The following COL4A4 variants were observed in gnomAD, a reference collection of about 807,000 sequenced individuals.
COL4A4 encodes the protein collagen alpha-4(IV) chain.
Under a neutral mutation model 192.9 loss-of-function variants are expected in COL4A4, and 105 were observed. The observed-to-expected ratio is 0.54, with a 90% CI of 0.46 to 0.64. The LOEUF (loss-of-function observed/expected upper bound fraction) is 0.64. Among genes scored for constraint, COL4A4 ranks in the 30% least tolerant of loss-of-function variants. The pLI is 0.00. For missense variants in COL4A4, 1,967 were observed against 2,169.3 expected, an observed-to-expected ratio of 0.91 and a Z score of 1.85; for synonymous variants, 762 against 769.9, an observed-to-expected ratio of 0.99 and a Z score of 0.17.
intron 4 of COL4A4, among the ~76,000 whole-genome samples, chr2:227,130,862 G>A (rs560862132): frequency 6.6e-5 from 10 of 152,060 alleles, no homozygotes; most frequent in African/African-American, 1.9e-4. Context: ...CCCCAACTGC[G>A]CCAGGTGAGT....
At chr2:227,018,268 C>T (rs187177892) in intron 44 of COL4A4, among the ~76,000 whole-genome samples, 1 of 152,262 alleles carries the variant, frequency 6.6e-6, no homozygotes, top group East Asian at 1.9e-4. Context: ...TTTCGCTCTT[C>T]TTGCCCAGGC....
chr2:227,082,119 A>C lies in COL4A4; in HGVS notation c.1692T>G (p.Val564=), dbSNP rs766819581. 1.2e-6 allele frequency: 2 copies of C among 1,613,942 alleles called. No homozygotes were observed. The highest frequency in any genetic ancestry group is 2.7e-5 in the African/African-American group (2 of 74,930). Residue 564 remains valine, a synonymous_variant, in exon 23 of 48, where the codon GTT becomes GTG. Coordinates refer to ENST00000396625, the MANE Select transcript of COL4A4 (RefSeq NM_000092.5). ...GAKGDMVVSR[V]KGHKGERGPD... ...TAAGTGATTGATTATGCTCACCTTT[A>C]ACTCTTGATACAACCATGTCACCCT...
chr2:227,115,848 G>C (rs1426594877), intron 7 of COL4A4, among the ~76,000 whole-genome samples: 1 of 152,150 alleles, frequency 6.6e-6, no homozygotes, highest in Admixed American at 6.5e-5. Flanking sequence ...AATAACACCA[G>C]TTCTCCAACA....
intron 22 of COL4A4, among the ~76,000 whole-genome samples, chr2:227,085,882 C>G (rs1393291178): frequency 6.6e-6 from 1 of 152,198 alleles, no homozygotes; most frequent in Admixed American, 6.5e-5. Context: ...AGTTTGCGAC[C>G]TTTGGTTCGC....
chr2:226,980,329 T>C, the COL4A4 span, among the ~76,000 whole-genome samples: 3 of 152,140 alleles, frequency 2.0e-5, no homozygotes, highest in Non-Finnish European at 4.4e-5. Flanking sequence ...CAGAGCGAGG[T>C]AGCAGAAGGG....
At chr2:227,157,256 A>G (rs2064425041) in intron 1 of COL4A4, among the ~76,000 whole-genome samples, 1 of 152,166 alleles carries the variant, frequency 6.6e-6, no homozygotes, top group South Asian at 2.1e-4. Context: ...CTGAATGATA[A>G]TAAAAACACA....
the COL4A4 span, chr2:226,995,955 G>T: frequency 6.1e-6 from 1 of 163,184 alleles, no homozygotes; most frequent in East Asian, 1.8e-4. Context: ...TCCTCCTGGC[G>T]CATTGCCACT....
rs535615953 is a variant in COL4A4, at chr2:227,014,736, A to G, written c.4217-2439T>C. Among the ~76,000 whole-genome samples, 3 of 151,996 alleles carry G rather than the reference A, an allele frequency of 2.0e-5. No homozygotes were observed. The South Asian group carries it at 6.3e-4, about 32-fold the overall frequency. On this transcript the variant is annotated intron_variant, in intron 44 of 47. Transcript: ENST00000396625. ...GTGTTTTGTTTGTTTTTCCAGATGG[A>G]GTCTCGCTGTATCACCCTGGCTGGA...
intron 39 of COL4A4, 33 bp from the exon 40 acceptor site, chr2:227,032,088 T>C (rs1363691563): frequency 6.2e-7 from 1 of 1,614,008 alleles, no homozygotes; most frequent in Admixed American, 1.7e-5. Context: ...GTTATCCTCA[T>C]TGCATTTGGA....
intron 25 of COL4A4, among the ~76,000 whole-genome samples, chr2:227,074,611 T>C (rs1046924635): frequency 1.3e-5 from 2 of 152,188 alleles, no homozygotes; most frequent in Non-Finnish European, 2.9e-5. Flanking sequence ...TGTATGTTTA[T>C]AGCAGCACAA....
chr2:226,982,784 A>T, the COL4A4 span, among the ~76,000 whole-genome samples: 1 of 152,180 alleles, frequency 6.6e-6, no homozygotes, highest in Non-Finnish European at 1.5e-5. Flanking sequence ...AGCATTTATG[A>T]TGCACCCACT....
At chr2:226,994,053 A>G in the COL4A4 span, among the ~76,000 whole-genome samples, 8 of 152,132 alleles carry the variant, frequency 5.3e-5, no homozygotes, top group South Asian at 1.2e-3. Context: ...GTCCAAGGCC[A>G]TGTGTGCTGG....
intron 43 of COL4A4, among the ~76,000 whole-genome samples, chr2:227,024,263 C>T (rs1252922148): frequency 6.6e-6 from 1 of 152,208 alleles, no homozygotes; most frequent in Non-Finnish European, 1.5e-5. Context: ...GTAATCCCAG[C>T]ACTTTGGGAG....
chr2:227,088,094 A>G (rs373533860), intron 22 of COL4A4, among the ~76,000 whole-genome samples: 4 of 152,258 alleles, frequency 2.6e-5, no homozygotes, highest in Non-Finnish European at 4.4e-5. Context: ...AACAATACCA[A>G]TTAGTTGAAT....
At chr2:226,989,436 G>A in the COL4A4 span, among the ~76,000 whole-genome samples, 3 of 152,176 alleles carry the variant, frequency 2.0e-5, no homozygotes, top group Non-Finnish European at 4.4e-5. Flanking sequence ...AGGAAATATT[G>A]TGGTATTTTC....
the COL4A4 span, among the ~76,000 whole-genome samples, chr2:226,972,361 C>T: frequency 6.6e-6 from 1 of 152,250 alleles, no homozygotes; most frequent in South Asian, 2.1e-4. Flanking sequence ...AAGAAAGAAA[C>T]ACAAAGGTGC....
At chr2:227,045,015 A>T (rs984075075) in intron 35 of COL4A4, among the ~76,000 whole-genome samples, 2 of 152,148 alleles carry the variant, frequency 1.3e-5, no homozygotes, top group South Asian at 2.1e-4. Context: ...CAGGTTTATG[A>T]TTTTTAAGTT....
intron 8 of COL4A4, among the ~76,000 whole-genome samples, chr2:227,112,865 C>T (rs1198606380): frequency 6.6e-6 from 1 of 152,208 alleles, no homozygotes; most frequent in Non-Finnish European, 1.5e-5. Context: ...CTTCAAGGTT[C>T]ATCCATGTTG....
chr2:227,036,802 T>TA (rs990428379), intron 37 of COL4A4, among the ~76,000 whole-genome samples: 24 of 151,876 alleles, frequency 1.6e-4, no homozygotes, highest in South Asian at 6.2e-4. Flanking sequence ...AGTAATCTAG[T>TA]AAAAAAAGCG....
Sources: gnomAD v4.1 joint callset for allele counts (sites outside exome capture counted in the v4.1 genomes callset) on GRCh38, gnomAD v4.1.1 for gene constraint, MANE v1.5 for transcripts, NCBI Gene and HGNC (gene_info 2026-07-23, HGNC 2026-07-21) for gene names.